PTPRF: variants seen among roughly 807,000 people sequenced by gnomAD.
The protein encoded by PTPRF is receptor-type tyrosine-protein phosphatase F.
In PTPRF, 59 loss-of-function variants were observed where a neutral mutation model predicts 201.8. The ratio of observed to expected loss-of-function variants is 0.29; its 90% CI spans 0.24 to 0.36. The LOEUF (loss-of-function observed/expected upper bound fraction) is 0.36. Among genes scored for constraint, PTPRF ranks in the 10% least tolerant of loss-of-function variants. PTPRF has a pLI of 1.00. For synonymous variants in PTPRF, 1,088 were observed against 1,089.7 expected (o/e 1.00, Z 0.03); for missense variants, 2,132 against 2,690.5 (o/e 0.79, Z 4.59).
rs533014378 is a variant in PTPRF at position 43,616,631 on chromosome 1, T to C, written c.4072-814T>C. ...TGACTTCTAGGTTCTGGCCTGGCAC[T>C]GAGGGGTGAGGGTGCCTTTCGCTAA... On this transcript the variant is annotated intron_variant, in intron 23 of 33. Coordinates refer to ENST00000359947, the MANE Select transcript of PTPRF (RefSeq NM_002840.5). Among the ~76,000 whole-genome samples the C allele has an allele frequency of 4.1e-4, 62 of 152,064 alleles. No homozygotes were observed. In the Middle Eastern group the frequency reaches 0.014, roughly 34 times the overall value.
chr1:43,538,101 C>A, intron 1 of PTPRF, 97 bp from the exon 2 acceptor site: 1 of 397,278 alleles, frequency 2.5e-6, no homozygotes, highest in South Asian at 1.3e-4. Context: ...GCTTTTTTTT[C>A]TGCATAAACA....
chr1:43,542,528 A>G lies in PTPRF; in HGVS notation c.-45-2503A>G, dbSNP rs1399261612. On this transcript the variant is annotated intron_variant, in intron 2 of 33. Coordinates refer to ENST00000359947, the MANE Select transcript of PTPRF (RefSeq NM_002840.5). The surrounding 1 kb of genome is among the most constrained non-coding windows in gnomAD (Gnocchi z 5.2). Reference sequence around the variant, plus strand: ...GGGTTACCTGAGGCCCAAGTTCTCCAACACCCATGGCCAGACTCTCATCCA... The same window carrying G: ...GGGTTACCTGAGGCCCAAGTTCTCCGACACCCATGGCCAGACTCTCATCCA... Among the ~76,000 whole-genome samples, 1 of 152,044 alleles carries G rather than the reference A, an allele frequency of 6.6e-6. No homozygotes were observed. Among genetic ancestry groups the G allele is most frequent in the African/African-American group, 2.4e-5 (1 of 41,372 alleles).
chr1:43,548,315 G>A (rs1181291198), intron 3 of PTPRF, among the ~76,000 whole-genome samples: 3 of 151,854 alleles, frequency 2.0e-5, no homozygotes, highest in Non-Finnish European at 4.4e-5. Flanking sequence ...AGCAGGATGC[G>A]TGCTGGCTGG....
intron 23 of PTPRF, among the ~76,000 whole-genome samples, chr1:43,614,777 G>A (rs771755567): frequency 2.0e-5 from 3 of 152,166 alleles, no homozygotes; most frequent in Non-Finnish European, 4.4e-5. Context: ...GTTTGAACCC[G>A]GGAGGCGGAG....
rs1311032482 is a variant in PTPRF, at chr1:43,546,170, C to T, written c.91+1004C>T. On this transcript the variant is annotated intron_variant, in intron 3 of 33. Coordinates refer to ENST00000359947, the MANE Select transcript of PTPRF (RefSeq NM_002840.5). The surrounding 1 kb of genome is among the most constrained non-coding windows in gnomAD (Gnocchi z 4.2). ...GGTACAGATCTCTCCCCTTGCCCCA[C>T]CAGGGCTCTTTCTCCTAATGGCTCA... is the stretch of plus-strand genomic sequence containing the variant. 6.6e-6 allele frequency among the ~76,000 whole-genome samples: 1 copy of T among 152,200 alleles called. No individual in the cohort carries two copies. Among genetic ancestry groups the T allele is most frequent in the Non-Finnish European group, 1.5e-5 (1 of 68,036 alleles).
At chr1:43,566,532 G>T (rs567530102) in intron 5 of PTPRF, among the ~76,000 whole-genome samples, 1 of 152,338 alleles carries the variant, frequency 6.6e-6, no homozygotes, top group African/African-American at 2.4e-5. Flanking sequence ...GCGGGTGCCC[G>T]TGGGGGAAGG....
intron 3 of PTPRF, among the ~76,000 whole-genome samples, chr1:43,550,554 G>T (rs977458273): frequency 6.6e-6 from 1 of 152,240 alleles, no homozygotes; most frequent in Admixed American, 6.5e-5. Flanking sequence ...ACCCCTGGGT[G>T]CCAGGAACTG....
In PTPRF at chr1:43,581,414, G is replaced by C. The variant is rs115635961; in HGVS notation, c.679+2494G>C. ...TGTCTCAGGACCGTTTCTAAGCTCT[G>C]TCCCCAGGACCTGCCTCATGTAGAC... On this transcript the variant is annotated intron_variant, in intron 7 of 33. Coordinates refer to ENST00000359947, the MANE Select transcript of PTPRF (RefSeq NM_002840.5). Among the ~76,000 whole-genome samples, 425 of 152,324 alleles carry C rather than the reference G, an allele frequency of 2.8e-3. 4 individuals carry two copies. Among genetic ancestry groups the C allele is most frequent in the African/African-American group, 9.8e-3 (406 of 41,572 alleles).
At chr1:43,525,270 G>A (rs924308964), upstream of PTPRF, 3 of 152,776 alleles carry the variant, frequency 2.0e-5, no homozygotes, top group African/African-American at 7.2e-5. Context: ...GGGAGCAGGA[G>A]AGGAGCAGTT....
chr1:43,603,728 G>T lies in PTPRF; in HGVS notation c.2576G>T (p.Arg859Leu), dbSNP rs567638313. ...ELLGYRLQYCRADEARPNTID... is the reference protein window; with the variant it reads ...ELLGYRLQYCLADEARPNTID... ...CTGGGCTACCGGCTGCAGTACTGCCGGGCCGACGAGGCGCGGCCCAACACC... is the reference window on the plus strand; with the variant it reads ...CTGGGCTACCGGCTGCAGTACTGCCTGGCCGACGAGGCGCGGCCCAACACC... Residue 859 changes from arginine (R) to leucine (L), a missense_variant, in exon 16 of 34, where the codon CGG becomes CTG. By Grantham distance (102) the Arg-to-Leu change is moderately radical. This residue lies in a region of PTPRF where 818 missense variants were observed against 915.3 expected (regional missense o/e 0.89). Coordinates refer to ENST00000359947, the MANE Select transcript of PTPRF (RefSeq NM_002840.5). The surrounding 1 kb of genome is among the most constrained non-coding windows in gnomAD (Gnocchi z 5.8). 1.2e-6 allele frequency: 2 copies of T among 1,613,712 alleles called. No homozygotes were observed. Among genetic ancestry groups the T allele is most frequent in the Non-Finnish European group, 1.7e-6 (2 of 1,180,030 alleles).
In PTPRF at chr1:43,622,321, G is replaced by A; in HGVS notation, c.*318G>A. 2.6e-6 allele frequency: 1 copy of A among 378,624 alleles called. No individual in the cohort carries two copies. The highest frequency in any genetic ancestry group is 4.2e-5 in the Admixed American group (1 of 24,072). 23.5% of individuals were successfully genotyped at this position (378,624 alleles called of 1,614,324 possible). A position where few individuals can be genotyped will look rare whatever the true frequency, so the allele number is the denominator to read the frequency against. ...TCTCATGGGGTGGGGTTGGGGCAAAGCCTCCTTTTTAATACATTAAGTGGG... is the reference window on the plus strand; with the variant it reads ...TCTCATGGGGTGGGGTTGGGGCAAAACCTCCTTTTTAATACATTAAGTGGG... On this transcript the variant is annotated 3_prime_UTR_variant, in exon 34 of 34. Coordinates refer to ENST00000359947, the MANE Select transcript of PTPRF (RefSeq NM_002840.5).
intron 5 of PTPRF, among the ~76,000 whole-genome samples, chr1:43,564,527 A>T (rs1330816930): frequency 6.6e-6 from 1 of 152,136 alleles, no homozygotes; most frequent in Non-Finnish European, 1.5e-5. Flanking sequence ...CACAGGTGCT[A>T]GTCACTGCAG....
intron 22 of PTPRF, chr1:43,613,357 C>T (rs1656952132): frequency 4.5e-6 from 2 of 440,706 alleles, no homozygotes; most frequent in Admixed American, 3.6e-5. Context: ...CTTGAGAGAC[C>T]TGCCAGGCAG....
In PTPRF at chr1:43,592,556, G is replaced by C. The variant is rs79766207; in HGVS notation, c.1768G>C (p.Val590Leu). The C allele has an allele frequency of 3.7e-6, 6 of 1,611,494 alleles. No individual in the cohort carries two copies. In the Admixed American group the frequency reaches 1.0e-4, roughly 27 times the overall value. Residue 590 changes from valine to leucine, a missense_variant, in exon 11 of 34, where the codon GTG becomes CTG. Physicochemically the swap from Val to Leu is conservative, Grantham distance 32 (BLOSUM62 1). Around this residue, in one of 6 missense-constraint regions of PTPRF, gnomAD observed 351 missense variants for 401.7 expected, o/e 0.87. Coordinates refer to ENST00000359947, the MANE Select transcript of PTPRF (RefSeq NM_002840.5). ...GCTGGCTGCACGCTCGGATATGGGG[G>C]TGGGCGTCTTCACCCCCACCATTGA... ...FQLAARSDMG[V>L]GVFTPTIEAR...
intron 31 of PTPRF, 96 bp downstream of exon 31, chr1:43,620,675 T>A (rs112544883): frequency 5.1e-6 from 8 of 1,555,916 alleles, no homozygotes; most frequent in Middle Eastern, 1.9e-4. Flanking sequence ...TTCAGAAATC[T>A]GAGGCGGTGG....
At chr1:43,609,609 TC>T in intron 22 of PTPRF, 111 bp downstream of exon 22, 1 of 726,462 alleles carries the variant, frequency 1.4e-6, no homozygotes, top group Non-Finnish European at 2.3e-6. Flanking sequence ...ATGCACTTGT[TC>T]CTGCTCCTTT....
At chr1:43,582,881 C>G (rs1648089364) in intron 7 of PTPRF, among the ~76,000 whole-genome samples, 1 of 152,182 alleles carries the variant, frequency 6.6e-6, no homozygotes, top group Non-Finnish European at 1.5e-5. Flanking sequence ...AGTCCTGAGT[C>G]TTTTGTGAGT....
Position 43,588,128 on chromosome 1 carries a change from TC to T in PTPRF, c.680-600del, listed in dbSNP as rs1457471908. ...CTGAGGGCAGCCCTTTTGCTTGGGT[TC>T]CCAGGTTGTGCCCTGAGCATGGCTG... On this transcript the variant is annotated intron_variant, in intron 7 of 33. Coordinates refer to ENST00000359947, the MANE Select transcript of PTPRF (RefSeq NM_002840.5). The surrounding 1 kb of genome is among the most constrained non-coding windows in gnomAD (Gnocchi z 5.3). Among the ~76,000 whole-genome samples, 1 of 152,172 alleles carries T rather than the reference TC, an allele frequency of 6.6e-6. No homozygotes were observed. Among genetic ancestry groups the T allele is most frequent in the East Asian group, 1.9e-4 (1 of 5,176 alleles).
rs912685052 is a variant in PTPRF at position 43,578,672 on chromosome 1, C to T, written c.569-138C>T. ...TTCAGGGAGAGCTTCCTGGAAGCAG[C>T]AGGGGTGCCAGGGTGTGGCCTGGAT... On this transcript the variant is annotated intron_variant, in intron 6 of 33. Transcript: ENST00000359947. 5.3e-4 allele frequency: 343 copies of T among 650,092 alleles called. 1 individual carries two copies. Among genetic ancestry groups the T allele is most frequent in the Non-Finnish European group, 6.3e-4 (233 of 368,520 alleles). The allele number at this position is 650,092 out of a possible 1,614,324, so 40.3% of individuals were successfully genotyped here.
Sources: allele counts gnomAD v4.1 joint callset (sites outside exome capture counted in the v4.1 genomes callset), GRCh38; gene constraint gnomAD v4.1.1; regional missense constraint gnomAD v4.1.1; non-coding constraint Gnocchi (gnomAD v3.1); transcripts MANE v1.5; gene names NCBI Gene and HGNC (gene_info 2026-07-23, HGNC 2026-07-21).